Variants in BCAS3 observed in about 807,000 individuals in gnomAD.
BCAS3 encodes the protein BCAS4/BCAS3 fusion.
BCAS3 carries 53 observed loss-of-function variants against 116.1 expected under a neutral mutation model. The ratio of observed to expected loss-of-function variants is 0.46; its 90% confidence interval spans 0.37 to 0.57. The LOEUF (loss-of-function observed/expected upper bound fraction) is 0.57. Ranked by LOEUF, BCAS3 falls within the 20% of genes least tolerant of loss-of-function variation. The pLI, the probability that BCAS3 is intolerant of heterozygous loss-of-function variation, is 0.00. For synonymous variants in BCAS3, 391 were observed against 408.2 expected (o/e 0.96, Z 0.51); for missense variants, 917 against 1,165.4 (o/e 0.79, Z 3.10).
At chr17:60,882,713 G>T (rs2056286354) in intron 9 of BCAS3, among the ~76,000 whole-genome samples, 2 of 147,018 alleles carry the variant, frequency 1.4e-5, no homozygotes, top group Middle Eastern at 6.8e-3. Context: ...TTTCCCCATT[G>T]CTTGTTTTTG....
At position 61,285,352 on chromosome 17, in the gene BCAS3, G is replaced by T. The variant is rs781494920; in HGVS notation, c.2426-82975G>T. On this transcript the variant is annotated intron_variant, in intron 22 of 23. Coordinates refer to ENST00000407086, the MANE Select transcript of BCAS3 (RefSeq NM_017679.5). This position sits in a 1 kb window ranked among gnomAD's most constrained non-coding sequence, Gnocchi z 5.4. The stretch of plus-strand genomic sequence containing the variant: ...AATGTATATAAAAGAACTGAGTGCT[G>T]CTTCTCCAACATAACTTCCAGGTCT... Among the ~76,000 whole-genome samples the T allele has an allele frequency of 5.3e-5, 8 of 152,106 alleles. No individual in the cohort carries two copies. The highest frequency in any genetic ancestry group is 4.1e-4 in the South Asian group (2 of 4,824).
chr17:61,378,164 TTCTGCAGTAACC>T lies in BCAS3; in HGVS notation c.2593+9677_2593+9688del, dbSNP rs2059423137. 6.6e-6 allele frequency: 1 copy of T among 152,286 alleles called. No homozygotes were observed. Among genetic ancestry groups the T allele is most frequent in the African/African-American group, 2.4e-5 (1 of 41,416 alleles). 9.4% of individuals were successfully genotyped at this position (152,286 alleles called of 1,614,324 possible). A position where few individuals can be genotyped will look rare whatever the true frequency, so the allele number is the denominator to read the frequency against. On this transcript the variant is annotated intron_variant, in intron 23 of 23. Transcript: ENST00000407086. This position sits in a 1 kb window ranked among gnomAD's most constrained non-coding sequence, Gnocchi z 5.8. ...CCCTTCCAGCCTGACCTCCCACCCC[TTCTGCAGTAACC>T]TCTGCATATTTCACCTCCTCCACCT...
chr17:61,314,532 G>C (rs554548377), intron 22 of BCAS3, among the ~76,000 whole-genome samples: 55 of 152,288 alleles, frequency 3.6e-4, no homozygotes, highest in Non-Finnish European at 6.0e-4. Context: ...ACAGTTCCTG[G>C]CTTCCTCTTG....
rs2054507314 is a variant in BCAS3 at position 61,313,645 on chromosome 17, C to T, written c.2426-54682C>T. On this transcript the variant is annotated intron_variant, in intron 22 of 23. Coordinates refer to ENST00000407086, the MANE Select transcript of BCAS3 (RefSeq NM_017679.5). The surrounding 1 kb of genome is among the most constrained non-coding windows in gnomAD (Gnocchi z 4.3). ...GCTCGGCGTCCTCCCTCGGGTCCTG[C>T]TCGCTGAAGAGGTACAGCATCTGGA... Among the ~76,000 whole-genome samples, 2 of 152,196 alleles carry T rather than the reference C, an allele frequency of 1.3e-5. No individual in the cohort carries two copies. Among genetic ancestry groups the T allele is most frequent in the Non-Finnish European group, 2.9e-5 (2 of 68,032 alleles).
chr17:61,135,427 A>G (rs1433815544), intron 22 of BCAS3, among the ~76,000 whole-genome samples: 2 of 152,238 alleles, frequency 1.3e-5, no homozygotes, highest in Admixed American at 6.5e-5. Context: ...ATTTCATTGT[A>G]AGTATTACAA....
At chr17:61,290,491 A>C (rs1314837511) in intron 22 of BCAS3, among the ~76,000 whole-genome samples, 4 of 152,234 alleles carry the variant, frequency 2.6e-5, no homozygotes, top group African/African-American at 9.6e-5. Context: ...AATGCTTAGC[A>C]CTTACTAACC....
intron 5 of BCAS3, among the ~76,000 whole-genome samples, chr17:60,713,442 A>T (rs768921984): frequency 2.6e-5 from 4 of 152,200 alleles, no homozygotes; most frequent in Non-Finnish European, 5.9e-5. Context: ...AATGACTCTC[A>T]TGGATCTTTA....
At chr17:61,044,463 A>ATATATATATATATATAT (rs1254737769) in intron 19 of BCAS3, among the ~76,000 whole-genome samples, 1 of 125,472 alleles carries the variant, frequency 8.0e-6, no homozygotes, top group African/African-American at 4.9e-5. Context: ...AAAAAAAAAA[A>ATATATATATATATATAT]AAATATATAT....
chr17:60,792,005 C>G (rs1202413973), intron 6 of BCAS3, among the ~76,000 whole-genome samples: 2 of 152,150 alleles, frequency 1.3e-5, no homozygotes, highest in African/African-American at 4.8e-5. Context: ...CGCCTGTTAT[C>G]CCAGCTACTC....
chr17:61,078,712 A>C (rs2143490708), intron 21 of BCAS3, among the ~76,000 whole-genome samples, 183 bp downstream of exon 21: 1 of 152,370 alleles, frequency 6.6e-6, no homozygotes, highest in African/African-American at 2.4e-5. Flanking sequence ...GTGGGATCAC[A>C]TTACGTGCAA....
chr17:60,877,985 A>C (rs1047494160), intron 9 of BCAS3, among the ~76,000 whole-genome samples: 16 of 151,682 alleles, frequency 1.1e-4, no homozygotes, highest in African/African-American at 3.9e-4. Context: ...TTAACTATGT[A>C]TATAAGCCCA....
chr17:61,140,541 G>A lies in BCAS3; in HGVS notation c.2425+55977G>A, dbSNP rs2076863542. Among the ~76,000 whole-genome samples, 1 of 151,426 alleles carries A rather than the reference G, an allele frequency of 6.6e-6. No homozygotes were observed. The highest frequency in any genetic ancestry group is 1.5e-5 in the Non-Finnish European group (1 of 67,930). ...CATTTACCAAGTAATCACTGCAAGT[G>A]GATTCAATTTGTAAAGTCACATAAA... On this transcript the variant is annotated intron_variant, in intron 22 of 23. Transcript: ENST00000407086. This position sits in a 1 kb window ranked among gnomAD's most constrained non-coding sequence, Gnocchi z 4.2.
intron 13 of BCAS3, among the ~76,000 whole-genome samples, chr17:60,925,829 A>G (rs2059339622): frequency 1.3e-5 from 2 of 149,856 alleles, no homozygotes; most frequent in Admixed American, 6.6e-5. Flanking sequence ...GCTTGGGACT[A>G]GAAGTCTTTC....
chr17:61,203,584 G>T lies in BCAS3; in HGVS notation c.2425+119020G>T, dbSNP rs2144294395. ...TAAAATCAGGAAAAGAACAACAGAT[G>T]TATTACAGACTAGTTAGGGAGAAAA... is the stretch of plus-strand genomic sequence containing the variant. On this transcript the variant is annotated intron_variant, in intron 22 of 23. Transcript: ENST00000407086. This position sits in a 1 kb window ranked among gnomAD's most constrained non-coding sequence, Gnocchi z 5.7. Among the ~76,000 whole-genome samples the T allele has an allele frequency of 6.6e-6, 1 of 152,278 alleles. No individual in the cohort carries two copies. The highest frequency in any genetic ancestry group is 2.1e-4 in the South Asian group (1 of 4,824).
chr17:61,319,154 C>T (rs139415885), intron 22 of BCAS3, among the ~76,000 whole-genome samples: 3 of 152,262 alleles, frequency 2.0e-5, no homozygotes, highest in Non-Finnish European at 2.9e-5. Context: ...CCCTCTACCC[C>T]GGGCCTACAC....
At chr17:61,089,072 G>A (rs920356889) in intron 22 of BCAS3, among the ~76,000 whole-genome samples, 2 of 152,146 alleles carry the variant, frequency 1.3e-5, no homozygotes, top group African/African-American at 4.8e-5. Flanking sequence ...TTGCAGACTT[G>A]GGGTTTTTTG....
intron 9 of BCAS3, among the ~76,000 whole-genome samples, chr17:60,886,736 T>C (rs1480444647): frequency 2.0e-5 from 3 of 151,900 alleles, no homozygotes; most frequent in East Asian, 3.9e-4. Flanking sequence ...TGCTGGGGGG[T>C]GCCTCCCAGT....
In BCAS3 at chr17:61,029,203, G is replaced by A. The variant is rs549224832; in HGVS notation, c.1638-5463G>A. Reference sequence around the variant, plus strand: ...CTTTTTATTAGTTTCGAGTTGCAACGTTAACACTTAGCTAAGAATTTGCTT... The same window carrying A: ...CTTTTTATTAGTTTCGAGTTGCAACATTAACACTTAGCTAAGAATTTGCTT... On this transcript the variant is annotated intron_variant, in intron 16 of 23. Coordinates refer to ENST00000407086, the MANE Select transcript of BCAS3 (RefSeq NM_017679.5). The surrounding 1 kb of genome is among the most constrained non-coding windows in gnomAD (Gnocchi z 5.2). Among the ~76,000 whole-genome samples the A allele has an allele frequency of 2.6e-5, 4 of 151,964 alleles. No homozygotes were observed. The highest frequency in any genetic ancestry group is 6.6e-5 in the Admixed American group (1 of 15,226).
chr17:60,951,710 C>G (rs2060839111), intron 14 of BCAS3, among the ~76,000 whole-genome samples: 1 of 148,680 alleles, frequency 6.7e-6, no homozygotes, highest in African/African-American at 2.5e-5. Flanking sequence ...TAATTAATAT[C>G]TAGGGGAAAA....
Sources: gnomAD v4.1 joint callset for allele counts (sites outside exome capture counted in the v4.1 genomes callset) on GRCh38, gnomAD v4.1.1 for gene constraint, Gnocchi (gnomAD v3.1) non-coding constraint, MANE v1.5 for transcripts, NCBI Gene and HGNC (gene_info 2026-07-23, HGNC 2026-07-21) for gene names.